INTS3: variants seen among roughly 807,000 people sequenced by gnomAD.
The protein encoded by INTS3 is integrator complex subunit 3.
Under a neutral mutation model 146.3 loss-of-function variants are expected in INTS3, and 34 were observed. The ratio of observed to expected loss-of-function variants is 0.23; its 90% CI spans 0.18 to 0.31. INTS3 has a LOEUF of 0.31. Ranked by LOEUF, INTS3 falls within the 10% of genes least tolerant of loss-of-function variation. The pLI, the probability that INTS3 is intolerant of heterozygous loss-of-function variation, is 1.00. For synonymous variants in INTS3, 475 were observed against 494.9 expected, an observed-to-expected ratio of 0.96 and a Z score of 0.53; for missense variants, 757 against 1,304.2, an observed-to-expected ratio of 0.58 and a Z score of 6.46.
rs960734961 is a variant in INTS3, at chr1:153,773,207, G to A, written c.3066G>A (p.Thr1022=). ...ATCTCTTCCAGGAAGAGGAAGACAC[G>A]AAACCGAAGCCTACCAAGCGGAAAC... ...GSSSASEEED[T]KPKPTKRKRK... Residue 1022 remains threonine, a synonymous_variant, in exon 30 of 30, where the codon ACG becomes ACA. Transcript: ENST00000318967. The A allele has an allele frequency of 1.5e-5, 24 of 1,613,880 alleles. No homozygotes were observed. Among genetic ancestry groups the A allele is most frequent in the African/African-American group, 2.7e-5 (2 of 74,864 alleles).
chr1:153,737,799 C>G (rs1671360313), intron 1 of INTS3, among the ~76,000 whole-genome samples: 1 of 152,016 alleles, frequency 6.6e-6, no homozygotes, highest in South Asian at 2.1e-4. Context: ...GTGCCCGACC[C>G]CTGGTAGGTT....
chr1:153,759,566 A>T lies in INTS3; in HGVS notation c.1190A>T (p.Tyr397Phe). The T allele has an allele frequency of 3.1e-6, 5 of 1,613,914 alleles. No individual in the cohort carries two copies. Among genetic ancestry groups the T allele is most frequent in the Non-Finnish European group, 4.2e-6 (5 of 1,179,906 alleles). The stretch of plus-strand genomic sequence containing the variant: ...TCCAATGCCAAGCTGGCTTTGTTTT[A>T]TGACTGGCTGTTCTTTAGTCCAGAC... ...AASNAKLALF[Y>F]DWLFFSPDKD... The change falls in exon 11 of 30, where the codon TAT becomes TTT. Residue 397 changes from tyrosine (Y) to phenylalanine (F), a missense_variant. By Grantham distance (22) the Tyr-to-Phe change is conservative (BLOSUM62 3). This residue lies in a region of INTS3 where 35 missense variants were observed against 122.2 expected (regional missense o/e 0.29). Coordinates refer to ENST00000318967, the MANE Select transcript of INTS3 (RefSeq NM_023015.5).
In INTS3 at chr1:153,761,279, G is replaced by A. The variant is rs1167767066; in HGVS notation, c.1410-291G>A. The A allele has an allele frequency of 1.3e-4, 65 of 486,846 alleles. 1 individual carries two copies. Among genetic ancestry groups the A allele is most frequent in the Non-Finnish European group, 7.2e-6 (2 of 278,062 alleles). 30.2% of individuals were successfully genotyped at this position (486,846 alleles called of 1,614,324 possible). A position where few individuals can be genotyped will look rare whatever the true frequency, so the allele number is the denominator to read the frequency against. ...TAATCCCAGCACTTTGGGAGGCCAA[G>A]GTGGGCAGATCACCTGAGGTTAGGA... On this transcript the variant is annotated intron_variant, in intron 13 of 29. Transcript: ENST00000318967.
In INTS3 at chr1:153,764,233, T is replaced by G; in HGVS notation, c.1925+12T>G. 1 of 1,581,950 alleles carries G rather than the reference T, an allele frequency of 6.3e-7. No individual in the cohort carries two copies. Among genetic ancestry groups the G allele is most frequent in the Non-Finnish European group, 8.7e-7 (1 of 1,151,110 alleles). Reference sequence around the variant, plus strand: ...GAGATTACTGAGGAGTAAGGCTGATTTTCCCTCACTCCAGAGCCTCAGGAG... The same window carrying G: ...GAGATTACTGAGGAGTAAGGCTGATGTTCCCTCACTCCAGAGCCTCAGGAG... On this transcript the variant is annotated intron_variant, in intron 18 of 29. Transcript: ENST00000318967.
rs1273324512 is a variant in INTS3, at chr1:153,760,893, C to A, written c.1384C>A (p.His462Asn). The change falls in exon 13 of 30, where the codon CAC becomes AAC. Residue 462 changes from histidine (H) to asparagine (N), a missense_variant. Physicochemically the swap from His to Asn is moderately conservative, Grantham distance 68. Transcript: ENST00000318967. ...VRQGVFSSLN[H>N]IVEKRVLAHL... The stretch of plus-strand genomic sequence containing the variant: ...GCAGGGTGTCTTTTCCTCCCTCAAC[C>A]ACATTGTGGAGAAACGGGTCTTGGC... 6.2e-7 allele frequency: 1 copy of A among 1,614,112 alleles called. No homozygotes were observed. Among genetic ancestry groups the A allele is most frequent in the South Asian group, 1.1e-5 (1 of 91,086 alleles).
Position 153,768,917 on chromosome 1 carries a change from G to A in INTS3, c.2269G>A (p.Gly757Arg), listed in dbSNP as rs1262264202. 2 of 1,613,966 alleles carry A rather than the reference G, an allele frequency of 1.2e-6. No homozygotes were observed. The highest frequency in any genetic ancestry group is 1.7e-6 in the Non-Finnish European group (2 of 1,179,932). Residue 757 changes from glycine to arginine, a missense_variant, in exon 22 of 30, where the codon GGA (glycine) becomes AGA (arginine). By Grantham distance (125) the Gly-to-Arg change is moderately radical. Around this residue, in one of 8 missense-constraint regions of INTS3, gnomAD observed 116 missense variants for 226.5 expected, o/e 0.51. Transcript: ENST00000318967. ...TEFPDETLRS[G>R]ELLNMIVAVI... is the part of the protein sequence containing the mutation. ...GTTTCCAGATGAAACCTTGAGGAGCGGAGAGCTGCTGAACATGATCGTGGC... is the reference window on the plus strand; with the variant it reads ...GTTTCCAGATGAAACCTTGAGGAGCAGAGAGCTGCTGAACATGATCGTGGC...
Position 153,772,156 on chromosome 1 carries a change from C to A in INTS3, c.2721-184C>A, listed in dbSNP as rs1435162213. ...GGCCCTTTCTCCCCATCTTCCAGTG[C>A]CCCTGTGGCCAGGATCCCCTGTTCT... On this transcript the variant is annotated intron_variant, in intron 26 of 29. Coordinates refer to ENST00000318967, the MANE Select transcript of INTS3 (RefSeq NM_023015.5). The surrounding 1 kb of genome is among the most constrained non-coding windows in gnomAD (Gnocchi z 4.6). Among the ~76,000 whole-genome samples, 1 of 152,174 alleles carries A rather than the reference C, an allele frequency of 6.6e-6. No homozygotes were observed. Among genetic ancestry groups the A allele is most frequent in the Non-Finnish European group, 1.5e-5 (1 of 68,026 alleles).
intron 9 of INTS3, among the ~76,000 whole-genome samples, chr1:153,756,076 T>TA (rs1287333550): frequency 1.3e-5 from 2 of 149,918 alleles, no homozygotes; most frequent in African/African-American, 4.9e-5. Flanking sequence ...TAAAATGAGT[T>TA]AAAATTAAAA....
intron 1 of INTS3, among the ~76,000 whole-genome samples, chr1:153,737,841 T>A (rs575897317): frequency 6.7e-4 from 102 of 152,210 alleles, no homozygotes; most frequent in African/African-American, 1.9e-3. Context: ...TATTTTTCTT[T>A]CCTCACACTC....
At chr1:153,760,713 G>T in intron 12 of INTS3, 114 bp from the exon 13 acceptor site, 2 of 842,846 alleles carry the variant, frequency 2.4e-6, no homozygotes, top group South Asian at 1.4e-5. Flanking sequence ...TCTCTCTGCA[G>T]CCATACTCCC....
intron 3 of INTS3, among the ~76,000 whole-genome samples, chr1:153,745,592 A>T (rs191975074): frequency 1.3e-5 from 2 of 150,910 alleles, no homozygotes; most frequent in East Asian, 4.0e-4. Flanking sequence ...AGGCTAAGGA[A>T]GTTGCTAATG....
chr1:153,749,758 C>T (rs1671887894), intron 6 of INTS3, among the ~76,000 whole-genome samples: 1 of 152,214 alleles, frequency 6.6e-6, no homozygotes, highest in South Asian at 2.1e-4. Context: ...CTTTCTTTCT[C>T]TTTATTATGC....
At chr1:153,742,195 G>C (rs951074345) in intron 3 of INTS3, among the ~76,000 whole-genome samples, 3 of 152,194 alleles carry the variant, frequency 2.0e-5, no homozygotes, top group Non-Finnish European at 2.9e-5. Flanking sequence ...AGGGTCTGGG[G>C]TGAGGGTGGG....
intron 1 of INTS3, among the ~76,000 whole-genome samples, chr1:153,732,003 G>C (rs760444149): frequency 4.0e-5 from 6 of 149,478 alleles, no homozygotes; most frequent in Non-Finnish European, 8.9e-5. Context: ...TGCCTCCCGG[G>C]TTCAAGCGAT....
intron 1 of INTS3, among the ~76,000 whole-genome samples, chr1:153,733,564 A>G (rs1251634970): frequency 5.3e-5 from 8 of 149,640 alleles, no homozygotes; most frequent in African/African-American, 1.7e-4. Context: ...AAGATGGGGA[A>G]TTTGGTGTTT....
chr1:153,771,242 C>T (rs1672848383), intron 25 of INTS3, among the ~76,000 whole-genome samples: 1 of 152,198 alleles, frequency 6.6e-6, no homozygotes, highest in Non-Finnish European at 1.5e-5. Context: ...GCAACATCCC[C>T]CGATAAATGG....
chr1:153,763,468 G>T, intron 16 of INTS3, 106 bp downstream of exon 16: 1 of 1,211,018 alleles, frequency 8.3e-7, no homozygotes. Flanking sequence ...AACATGATAG[G>T]AGTGTGTGGA....
At chr1:153,771,418 C>A (rs1294376316) in intron 25 of INTS3, among the ~76,000 whole-genome samples, 2 of 152,186 alleles carry the variant, frequency 1.3e-5, no homozygotes, top group African/African-American at 4.8e-5. Context: ...CCCCTTCCTC[C>A]AGCTGGAAGC....
chr1:153,728,251 C>G lies in INTS3; in HGVS notation c.-384C>G. On this transcript the variant is annotated 5_prime_UTR_variant, in exon 1 of 30. Transcript: ENST00000318967. ...AATTCAGGGGCAGGACTCCTCTTTT[C>G]CCCCCACGGGGAAAAGAGGCAGAAA... The G allele has an allele frequency of 2.6e-6, 1 of 390,016 alleles. No homozygotes were observed. Among genetic ancestry groups the G allele is most frequent in the Non-Finnish European group, 4.5e-6 (1 of 220,744 alleles). 24.2% of individuals were successfully genotyped at this position (390,016 alleles called of 1,614,324 possible). A position where few individuals can be genotyped will look rare whatever the true frequency, so the allele number is the denominator to read the frequency against.
Sources: allele counts gnomAD v4.1 joint callset (sites outside exome capture counted in the v4.1 genomes callset), GRCh38; gene constraint gnomAD v4.1.1; regional missense constraint gnomAD v4.1.1; non-coding constraint Gnocchi (gnomAD v3.1); transcripts MANE v1.5; gene names NCBI Gene and HGNC (gene_info 2026-07-23, HGNC 2026-07-21).